The following LYPLAL1 variants were observed in gnomAD, a reference collection of about 807,000 sequenced individuals.
LYPLAL1 encodes lysophospholipase-like protein 1.
LYPLAL1 carries 23 observed loss-of-function variants against 19.7 expected under a neutral mutation model. The ratio of observed to expected loss-of-function variants is 1.17; its 90% CI spans 0.84 to 1.65. The LOEUF is 1.65. Ranked by LOEUF, LYPLAL1 falls within the 40% of genes most tolerant of loss-of-function variation. LYPLAL1 has a pLI of 0.00. For synonymous variants in LYPLAL1, 119 were observed against 96.3 expected (o/e 1.24, Z -1.38); for missense variants, 355 against 279.4 (o/e 1.27, Z -1.93).
chr1:219,262,248 A>G, the LYPLAL1 span, among the ~76,000 whole-genome samples: 1 of 151,978 alleles, frequency 6.6e-6, no homozygotes. Flanking sequence ...TAATTCATCT[A>G]TATCCTGTAT....
the LYPLAL1 span, among the ~76,000 whole-genome samples, chr1:219,250,540 A>G: frequency 6.6e-6 from 1 of 151,916 alleles, no homozygotes; most frequent in Non-Finnish European, 1.5e-5. Flanking sequence ...GATTTATTGT[A>G]CATATTATTT....
chr1:219,377,439 T>A, the LYPLAL1 span, among the ~76,000 whole-genome samples: 1 of 152,228 alleles, frequency 6.6e-6, no homozygotes, highest in South Asian at 2.1e-4. Context: ...ACAATGTGAA[T>A]GTATTTAATG....
chr1:219,261,166 A>C, the LYPLAL1 span, among the ~76,000 whole-genome samples: 6 of 152,186 alleles, frequency 3.9e-5, no homozygotes, highest in African/African-American at 1.2e-4. Context: ...ACCTCACCAT[A>C]AAATGATAAG....
At chr1:219,199,532 T>C (rs1657903761) in intron 3 of LYPLAL1, among the ~76,000 whole-genome samples, 1 of 151,388 alleles carries the variant, frequency 6.6e-6, no homozygotes, top group Admixed American at 6.6e-5. Flanking sequence ...AACCTCCACC[T>C]CCTGGGTTCA....
At chr1:219,239,014 G>A in the LYPLAL1 span, among the ~76,000 whole-genome samples, 1 of 152,022 alleles carries the variant, frequency 6.6e-6, no homozygotes, top group Non-Finnish European at 1.5e-5. Context: ...TGCTGATGAG[G>A]GTTTGTCCCA....
chr1:219,328,544 T>C, the LYPLAL1 span, among the ~76,000 whole-genome samples: 1 of 152,198 alleles, frequency 6.6e-6, no homozygotes, highest in Non-Finnish European at 1.5e-5. Context: ...GATAGAGTCA[T>C]CATTCAGATC....
At chr1:219,258,281 T>C in the LYPLAL1 span, among the ~76,000 whole-genome samples, 1 of 152,062 alleles carries the variant, frequency 6.6e-6, no homozygotes, top group Non-Finnish European at 1.5e-5. Context: ...ATGTACATCC[T>C]CAGCTTACAA....
downstream of LYPLAL1, among the ~76,000 whole-genome samples, chr1:219,216,183 G>C (rs1015623150): frequency 1.3e-5 from 2 of 151,834 alleles, no homozygotes; most frequent in Admixed American, 1.3e-4. Context: ...TGAATATATG[G>C]AATATAATTA....
At chr1:219,315,665 A>G in the LYPLAL1 span, among the ~76,000 whole-genome samples, 1 of 152,194 alleles carries the variant, frequency 6.6e-6, no homozygotes, top group Admixed American at 6.5e-5. Context: ...CCCACCTCCA[A>G]TACAACTGGT....
At chr1:219,192,327 T>C (rs1257520713) in intron 2 of LYPLAL1, among the ~76,000 whole-genome samples, 2 of 151,692 alleles carry the variant, frequency 1.3e-5, no homozygotes, top group Non-Finnish European at 3.0e-5. Flanking sequence ...AAATTTGAGA[T>C]GGCAAAGTAG....
chr1:219,388,345 G>T, the LYPLAL1 span, among the ~76,000 whole-genome samples: 65 of 152,148 alleles, frequency 4.3e-4, no homozygotes, highest in African/African-American at 1.5e-3. Flanking sequence ...CTCATTTTAA[G>T]TCTCTCCATG....
chr1:219,281,833 G>A, the LYPLAL1 span, among the ~76,000 whole-genome samples: 1 of 152,150 alleles, frequency 6.6e-6, no homozygotes, highest in African/African-American at 2.4e-5. Context: ...ACTGAAAAAT[G>A]TCTCTAGATA....
At chr1:219,435,752 G>A in the LYPLAL1 span, among the ~76,000 whole-genome samples, 1 of 151,820 alleles carries the variant, frequency 6.6e-6, no homozygotes, top group South Asian at 2.1e-4. Flanking sequence ...CTTGAACCCG[G>A]GAGGTGGAGG....
the LYPLAL1 span, among the ~76,000 whole-genome samples, chr1:219,358,942 C>G: frequency 6.6e-6 from 1 of 152,084 alleles, no homozygotes; most frequent in Non-Finnish European, 1.5e-5. Flanking sequence ...AGCAGTACCA[C>G]TAGGCCTTCC....
At chr1:219,309,689 A>G in the LYPLAL1 span, among the ~76,000 whole-genome samples, 2 of 152,142 alleles carry the variant, frequency 1.3e-5, no homozygotes, top group African/African-American at 2.4e-5. Context: ...CATGTAAGAA[A>G]TGCCTTTTGC....
the LYPLAL1 span, among the ~76,000 whole-genome samples, chr1:219,419,674 T>C: frequency 1.3e-5 from 2 of 151,814 alleles, no homozygotes; most frequent in South Asian, 4.2e-4. Flanking sequence ...CAAGGGGATG[T>C]TTATGGCTGT....
At chr1:219,274,124 G>A in the LYPLAL1 span, among the ~76,000 whole-genome samples, 1 of 152,206 alleles carries the variant, frequency 6.6e-6, no homozygotes, top group Non-Finnish European at 1.5e-5. Flanking sequence ...AAACTTGCGT[G>A]TAGAATTTTA....
At chr1:219,415,133 A>G in the LYPLAL1 span, among the ~76,000 whole-genome samples, 2 of 152,220 alleles carry the variant, frequency 1.3e-5, no homozygotes, top group Non-Finnish European at 2.9e-5. Flanking sequence ...TAGGGAGAAA[A>G]GACTTCAAAA....
chr1:219,432,121 T>C, the LYPLAL1 span, among the ~76,000 whole-genome samples: 1 of 152,164 alleles, frequency 6.6e-6, no homozygotes, highest in African/African-American at 2.4e-5. Flanking sequence ...CTAACTATAT[T>C]AGTATTCTGC....
Sources: allele counts gnomAD v4.1 joint callset (sites outside exome capture counted in the v4.1 genomes callset), GRCh38; gene constraint gnomAD v4.1.1; transcripts MANE v1.5; gene names NCBI Gene and HGNC (gene_info 2026-07-23, HGNC 2026-07-21).